Variants in RPS6KA5 observed in about 807,000 individuals in gnomAD.
RPS6KA5 encodes ribosomal protein S6 kinase alpha-5.
A neutral mutation model predicts 85.5 loss-of-function variants in RPS6KA5; 27 were observed. The observed-to-expected ratio is 0.32, with a 90% CI of 0.23 to 0.44. The LOEUF is 0.44. RPS6KA5 is among the 20% of genes least tolerant of loss of function. The probability of loss-of-function intolerance (pLI) is 1.00; values close to 1 mark genes in which losing one functional copy is unlikely to be tolerated. For synonymous variants in RPS6KA5, 334 were observed against 348.2 expected (o/e 0.96, Z 0.46); for missense variants, 811 against 980.9 (o/e 0.83, Z 2.31).
intron 12 of RPS6KA5, among the ~76,000 whole-genome samples, chr14:90,896,189 G>A (rs117962609): frequency 0.023 from 3,493 of 152,274 alleles, 74 homozygotes; most frequent in Non-Finnish European, 0.03. Flanking sequence ...ATCAGATAAA[G>A]TTGAGCTTGC....
intron 4 of RPS6KA5, 65 bp downstream of exon 4, chr14:90,947,370 C>A (rs2037926379): frequency 1.2e-6 from 1 of 852,902 alleles, no homozygotes; most frequent in Non-Finnish European, 2.0e-6. Context: ...ATTAGCTCTT[C>A]CAGCTCCATT....
chr14:90,890,403 G>T, intron 14 of RPS6KA5, 84 bp downstream of exon 14: 4 of 1,217,614 alleles, frequency 3.3e-6, no homozygotes, highest in Non-Finnish European at 4.4e-6. Flanking sequence ...TTTCATGAAT[G>T]TAAGGAAACA....
intron 3 of RPS6KA5, among the ~76,000 whole-genome samples, chr14:90,948,704 A>C (rs1161232796): frequency 2.0e-5 from 3 of 151,358 alleles, no homozygotes; most frequent in African/African-American, 2.4e-5. Flanking sequence ...CAAAAAAAAA[A>C]ACAAAAAAAC....
intron 3 of RPS6KA5, among the ~76,000 whole-genome samples, chr14:90,968,392 T>C (rs531596742): frequency 6.6e-6 from 1 of 152,338 alleles, no homozygotes; most frequent in Non-Finnish European, 1.5e-5. Flanking sequence ...TAGAGTCAGC[T>C]GATTAGTGGT....
chr14:90,900,493 C>G (rs1256176789), intron 10 of RPS6KA5, 118 bp downstream of exon 10: 4 of 1,018,546 alleles, frequency 3.9e-6, no homozygotes, highest in Non-Finnish European at 5.5e-6. Context: ...ATTGCTATAT[C>G]CCACTTTTAA....
At chr14:90,876,176 A>G (rs1487630447) in intron 14 of RPS6KA5, among the ~76,000 whole-genome samples, 1 of 152,264 alleles carries the variant, frequency 6.6e-6, no homozygotes, top group Admixed American at 6.5e-5. Flanking sequence ...ATTCAGAGCA[A>G]TAAGAACAGA....
At chr14:90,909,901 G>A (rs964970228) in intron 7 of RPS6KA5, among the ~76,000 whole-genome samples, 9 of 151,976 alleles carry the variant, frequency 5.9e-5, no homozygotes, top group South Asian at 2.1e-4. Flanking sequence ...TCAGCTTCCC[G>A]GGTAGCTGGG....
chr14:90,952,235 T>A (rs925853966), intron 3 of RPS6KA5, among the ~76,000 whole-genome samples: 2 of 152,210 alleles, frequency 1.3e-5, no homozygotes, highest in African/African-American at 4.8e-5. Flanking sequence ...ATATCAAAAT[T>A]TGGACAAACA....
In RPS6KA5 at chr14:90,850,453, G is replaced by A. The variant is rs1257555281; in HGVS notation, c.*21621C>T. 9.4e-6 allele frequency: 1 copy of A among 105,982 alleles called. No individual in the cohort carries two copies. 6.6% of individuals were successfully genotyped at this position (105,982 alleles called of 1,614,324 possible). A position where few individuals can be genotyped will look rare whatever the true frequency, so the allele number is the denominator to read the frequency against. The stretch of plus-strand genomic sequence containing the variant: ...TGAAGAAAACAACCTAATCAATGTG[G>A]GAAACCATACAAAAAAAAAAAAAAA... On this transcript the variant is annotated 3_prime_UTR_variant, in exon 17 of 17. Transcript: ENST00000614987.
At chr14:90,926,884 T>G (rs921625070) in intron 5 of RPS6KA5, among the ~76,000 whole-genome samples, 1 of 152,022 alleles carries the variant, frequency 6.6e-6, no homozygotes, top group Non-Finnish European at 1.5e-5. Context: ...AAAACTCAGA[T>G]GCAAGAAGCA....
At chr14:90,883,879 C>T (rs2034014338) in intron 14 of RPS6KA5, among the ~76,000 whole-genome samples, 1 of 152,208 alleles carries the variant, frequency 6.6e-6, no homozygotes, top group Non-Finnish European at 1.5e-5. Context: ...TTAAGGTCTT[C>T]TCAGGTCTTT....
At chr14:90,878,763 G>C (rs539757259) in intron 14 of RPS6KA5, among the ~76,000 whole-genome samples, 2 of 152,248 alleles carry the variant, frequency 1.3e-5, no homozygotes, top group African/African-American at 4.8e-5. Context: ...GAACTTAGTG[G>C]GCTTCTTTGC....
chr14:91,029,288 A>G (rs2042096790), intron 1 of RPS6KA5, among the ~76,000 whole-genome samples: 1 of 152,196 alleles, frequency 6.6e-6, no homozygotes, highest in Non-Finnish European at 1.5e-5. Flanking sequence ...TGTGAGTGAA[A>G]ACATACTACC....
intron 1 of RPS6KA5, among the ~76,000 whole-genome samples, chr14:91,007,346 A>G (rs1016918661): frequency 6.6e-6 from 1 of 152,238 alleles, no homozygotes. Context: ...GAGTACGACC[A>G]TATCAGTTAT....
In RPS6KA5 at chr14:90,990,332, C is replaced by T. The variant is rs147512073; in HGVS notation, c.175+10756G>A. ...GCAAATAAAAACCACAATGAGATAC[C>T]ATCTCACACCAGTCAGAAGGGCTAT... On this transcript the variant is annotated intron_variant, in intron 2 of 16. Coordinates refer to ENST00000614987, the MANE Select transcript of RPS6KA5 (RefSeq NM_004755.4). 3.0e-3 allele frequency among the ~76,000 whole-genome samples: 452 copies of T among 152,226 alleles called. 4 individuals are homozygous for T. The highest frequency in any genetic ancestry group is 6.8e-3 in the Middle Eastern group (2 of 294).
At position 91,043,835 on chromosome 14, in the gene RPS6KA5, C is replaced by T. The variant is rs1566900571; in HGVS notation, c.103+16497G>A. ...ACCCTAGCCTTTGTATAATCTCCTC[C>T]CCTTGAGTGAGTGAATATCACGAAA... On this transcript the variant is annotated intron_variant, in intron 1 of 16. Transcript: ENST00000614987. 2.0e-5 allele frequency among the ~76,000 whole-genome samples: 3 copies of T among 152,260 alleles called. No individual in the cohort carries two copies. In the South Asian group the frequency reaches 6.2e-4, roughly 32 times the overall value.
chr14:91,023,432 G>A (rs985805556), intron 1 of RPS6KA5, among the ~76,000 whole-genome samples: 11 of 151,866 alleles, frequency 7.2e-5, no homozygotes, highest in African/African-American at 1.9e-4. Context: ...GACTACAGGC[G>A]TGCACCACCA....
rs148886981 is a variant in RPS6KA5 at position 91,058,780 on chromosome 14, T to G, written c.103+1552A>C. On this transcript the variant is annotated intron_variant, in intron 1 of 16. Coordinates refer to ENST00000614987, the MANE Select transcript of RPS6KA5 (RefSeq NM_004755.4). ...AAAATATGGAACAGCTGGCTCAAGA[T>G]GTATAACAGATTCACAATGACCAAA... Among the ~76,000 whole-genome samples, 105 of 152,230 alleles carry G rather than the reference T, an allele frequency of 6.9e-4. No homozygotes were observed. In the East Asian group the frequency reaches 0.015, roughly 22 times the overall value.
At chr14:91,018,642 G>C (rs2041607179) in intron 1 of RPS6KA5, among the ~76,000 whole-genome samples, 1 of 152,154 alleles carries the variant, frequency 6.6e-6, no homozygotes, top group African/African-American at 2.4e-5. Context: ...TTTGGTCTTT[G>C]GACTCTTGGA....
Sources: gnomAD v4.1 joint callset for allele counts (sites outside exome capture counted in the v4.1 genomes callset) on GRCh38, gnomAD v4.1.1 for gene constraint, MANE v1.5 for transcripts, NCBI Gene and HGNC (gene_info 2026-07-23, HGNC 2026-07-21) for gene names.